The following MORC1 variants were observed in gnomAD, a reference collection of about 807,000 sequenced individuals.
The protein encoded by MORC1 is MORC family CW-type zinc finger 1, also known as MORC family CW-type zinc finger protein 1.
Under a neutral mutation model 134.9 loss-of-function variants are expected in MORC1, and 59 were observed. That is an observed-to-expected ratio of 0.44 (90% CI 0.35 to 0.54). MORC1 has a LOEUF of 0.54. Ranked by LOEUF, MORC1 falls within the 20% of genes least tolerant of loss-of-function variation. The probability of loss-of-function intolerance (pLI) is 0.00; values close to 1 mark genes in which losing one functional copy is unlikely to be tolerated. For synonymous variants in MORC1, 395 were observed against 391.7 expected, an observed-to-expected ratio of 1.01 and a Z score of -0.10; for missense variants, 947 against 1,134.5, an observed-to-expected ratio of 0.83 and a Z score of 2.37.
In MORC1 at chr3:108,958,848, A is replaced by AT. The variant is rs1947004585; in HGVS notation, c.*116dup. 3 of 625,788 alleles carry AT rather than the reference A, an allele frequency of 4.8e-6. No individual in the cohort carries two copies. Among genetic ancestry groups the AT allele is most frequent in the Admixed American group, 6.5e-5 (2 of 30,936 alleles). 38.8% of individuals were successfully genotyped at this position (625,788 alleles called of 1,614,324 possible). A position where few individuals can be genotyped will look rare whatever the true frequency, so the allele number is the denominator to read the frequency against. On this transcript the variant is annotated 3_prime_UTR_variant, in exon 28 of 28. Coordinates refer to ENST00000232603, the MANE Select transcript of MORC1 (RefSeq NM_014429.4). ...TCTTATTTGAAAAAAATTATTTCTT[A>AT]TTTCTTATTGTTAAACAGAATAGAC...
At chr3:109,063,030 C>T (rs975390513) in intron 10 of MORC1, 122 bp downstream of exon 10, 19 of 616,768 alleles carry the variant, frequency 3.1e-5, no homozygotes, top group Non-Finnish European at 4.7e-5. Flanking sequence ...ACAGAAACTA[C>T]ATTTAATTAA....
chr3:108,990,814 G>A lies in MORC1; in HGVS notation c.2188-3865C>T, dbSNP rs558947838. Among the ~76,000 whole-genome samples, 7 of 152,170 alleles carry A rather than the reference G, an allele frequency of 4.6e-5. No individual in the cohort carries two copies. In the East Asian group the frequency reaches 1.4e-3, roughly 29 times the overall value. ...GTCATGAAAATACATGTGTGCTGCT[G>A]ACAGTGGTGATGGGGGTGGTGTGGG... is the stretch of plus-strand genomic sequence containing the variant. On this transcript the variant is annotated intron_variant, in intron 21 of 27. Coordinates refer to ENST00000232603, the MANE Select transcript of MORC1 (RefSeq NM_014429.4).
At chr3:109,035,515 A>G in intron 14 of MORC1, 47 bp from the exon 15 acceptor site, 1 of 1,244,718 alleles carries the variant, frequency 8.0e-7, no homozygotes, top group Non-Finnish European at 1.1e-6. Flanking sequence ...AAAATCATTA[A>G]AATCAAAACA....
chr3:109,073,511 G>A (rs992449823), intron 8 of MORC1, among the ~76,000 whole-genome samples: 2 of 152,132 alleles, frequency 1.3e-5, no homozygotes, highest in African/African-American at 4.8e-5. Context: ...ACAGGTGTTT[G>A]GACCTAGACA....
intron 24 of MORC1, among the ~76,000 whole-genome samples, chr3:108,975,974 TAAATTA>T (rs1402640289): frequency 6.6e-6 from 1 of 152,158 alleles, no homozygotes; most frequent in Non-Finnish European, 1.5e-5. Context: ...CCCTTTCAAT[TAAATTA>T]AAAGTATTAT....
chr3:109,057,970 A>C (rs1411976868), intron 12 of MORC1, among the ~76,000 whole-genome samples: 4 of 152,204 alleles, frequency 2.6e-5, no homozygotes, highest in Admixed American at 6.5e-5. Flanking sequence ...AAGGTAAATA[A>C]GTTATTATAA....
chr3:109,027,733 G>T lies in MORC1; in HGVS notation c.1704+18C>A. The stretch of plus-strand genomic sequence containing the variant: ...AAAGAGTCACAGTAGAATTAGGGAG[G>T]AATTAATCACAACTCACCTGTGGCT... On this transcript the variant is annotated intron_variant, in intron 17 of 27. Coordinates refer to ENST00000232603, the MANE Select transcript of MORC1 (RefSeq NM_014429.4). 6.2e-7 allele frequency: 1 copy of T among 1,613,450 alleles called. No homozygotes were observed. The highest frequency in any genetic ancestry group is 8.5e-7 in the Non-Finnish European group (1 of 1,179,606).
rs2290059 is a variant in MORC1, at chr3:109,055,135, A to G, written c.1176-253T>C. On this transcript the variant is annotated intron_variant, in intron 13 of 27. Transcript: ENST00000232603. ...TTAATACGACTCGTTTTACAAATCT[A>G]TCGCCTTACGTGGAGAGTGAGGGTG... Among the ~76,000 whole-genome samples, 1,902 of 152,284 alleles carry G rather than the reference A, an allele frequency of 0.012. 107 individuals carry two copies. The East Asian group carries it at 0.14, about 11-fold the overall frequency.
intron 25 of MORC1, among the ~76,000 whole-genome samples, chr3:108,971,017 A>C (rs893600927): frequency 3.3e-5 from 5 of 152,150 alleles, no homozygotes; most frequent in African/African-American, 9.7e-5. Flanking sequence ...TGCTCATAAG[A>C]AGCAGCTGAG....
At chr3:108,986,058 C>A (rs971063711) in intron 22 of MORC1, among the ~76,000 whole-genome samples, 3 of 152,034 alleles carry the variant, frequency 2.0e-5, no homozygotes, top group Non-Finnish European at 4.4e-5. Context: ...GAACATAAAA[C>A]CATGGCATGG....
chr3:108,979,782 G>A (rs1241998631), intron 23 of MORC1, 115 bp from the exon 24 acceptor site: 45 of 1,123,842 alleles, frequency 4.0e-5, no homozygotes, highest in Non-Finnish European at 4.3e-5. Flanking sequence ...AAGAACATGC[G>A]TGTAATGCCG....
intron 13 of MORC1, among the ~76,000 whole-genome samples, chr3:109,056,572 T>A (rs537334147): frequency 8.9e-4 from 135 of 152,334 alleles, no homozygotes; most frequent in African/African-American, 3.1e-3. Flanking sequence ...TCATACAATA[T>A]AAAAAATATG....
chr3:109,114,842 G>C (rs767278909), intron 1 of MORC1, among the ~76,000 whole-genome samples: 6 of 152,182 alleles, frequency 3.9e-5, no homozygotes. Context: ...CCTACTAAAA[G>C]GCCATAAGGC....
intron 1 of MORC1, 65 bp downstream of exon 1, chr3:109,117,930 G>T: frequency 7.3e-7 from 1 of 1,367,074 alleles, no homozygotes; most frequent in Non-Finnish European, 1.0e-6. Flanking sequence ...CAGGGGACGG[G>T]CAAAACCTTT....
intron 1 of MORC1, among the ~76,000 whole-genome samples, chr3:109,117,485 T>C (rs375955989): frequency 1.3e-5 from 2 of 152,212 alleles, no homozygotes; most frequent in South Asian, 4.2e-4. Flanking sequence ...CTATCTGAAA[T>C]GACACCTGAG....
chr3:109,103,929 A>G lies in MORC1; in HGVS notation c.155-12T>C, dbSNP rs1286291781. ...TTTTTCATTATCCACTGTAAGAGAA[A>G]GCAGTTATTACTAATAAATATCGGG... On this transcript the variant is annotated splice_polypyrimidine_tract_variant and intron_variant, in intron 3 of 27. Coordinates refer to ENST00000232603, the MANE Select transcript of MORC1 (RefSeq NM_014429.4). The G allele has an allele frequency of 1.2e-6, 2 of 1,609,756 alleles. No homozygotes were observed. The highest frequency in any genetic ancestry group is 2.7e-5 in the African/African-American group (2 of 74,832).
intron 23 of MORC1, among the ~76,000 whole-genome samples, chr3:108,981,815 C>G (rs1033678674): frequency 2.4e-4 from 37 of 152,134 alleles, no homozygotes; most frequent in African/African-American, 8.4e-4. Flanking sequence ...AGAAGAAAAC[C>G]TAGGCAATAC....
At chr3:109,015,782 G>A (rs533116992) in intron 17 of MORC1, among the ~76,000 whole-genome samples, 5 of 151,344 alleles carry the variant, frequency 3.3e-5, no homozygotes, top group African/African-American at 4.9e-5. Flanking sequence ...GCTCTGCCAC[G>A]CATAATCCTC....
intron 6 of MORC1, among the ~76,000 whole-genome samples, chr3:109,097,103 T>C (rs920877863): frequency 3.3e-5 from 5 of 152,046 alleles, no homozygotes; most frequent in African/African-American, 7.2e-5. Flanking sequence ...TGGGTGTAAA[T>C]AGACCACGCA....
Sources: gnomAD v4.1 joint callset for allele counts (sites outside exome capture counted in the v4.1 genomes callset) on GRCh38, gnomAD v4.1.1 for gene constraint, MANE v1.5 for transcripts, NCBI Gene and HGNC (gene_info 2026-07-23, HGNC 2026-07-21) for gene names.